Variants in RALGAPA2 observed in about 807,000 individuals in gnomAD.
The protein encoded by RALGAPA2 is Ral GTPase activating protein catalytic subunit alpha 2.
Under a neutral mutation model 230.4 loss-of-function variants are expected in RALGAPA2, and 139 were observed. The ratio of observed to expected loss-of-function variants is 0.60; its 90% CI spans 0.53 to 0.69. The LOEUF (loss-of-function observed/expected upper bound fraction) is 0.69. Among genes scored for constraint, RALGAPA2 ranks in the 30% least tolerant of loss-of-function variants. RALGAPA2 has a pLI of 0.00. For synonymous variants in RALGAPA2, 847 were observed against 837.8 expected, an observed-to-expected ratio of 1.01 and a Z score of -0.19; for missense variants, 2,163 against 2,276.0, an observed-to-expected ratio of 0.95 and a Z score of 1.01.
At chr20:20,453,779 A>G (rs2061043557) in intron 37 of RALGAPA2, among the ~76,000 whole-genome samples, 1 of 152,194 alleles carries the variant, frequency 6.6e-6, no homozygotes. Flanking sequence ...ACCCACAGCA[A>G]CAGCACAGTG....
intron 14 of RALGAPA2, among the ~76,000 whole-genome samples, chr20:20,610,468 C>A (rs2065945410): frequency 6.6e-6 from 1 of 152,194 alleles, no homozygotes; most frequent in South Asian, 2.1e-4. Context: ...CTTTGGCTCT[C>A]TGCTCGCACC....
intron 24 of RALGAPA2, among the ~76,000 whole-genome samples, chr20:20,541,115 C>T (rs2063631666): frequency 6.8e-6 from 1 of 146,946 alleles, no homozygotes; most frequent in Non-Finnish European, 1.5e-5. Context: ...TCCTTGCCTA[C>T]ACGTATCTTT....
In RALGAPA2 at chr20:20,405,752, G is replaced by A. The variant is rs141395171; in HGVS notation, c.5617+6275C>T. Among the ~76,000 whole-genome samples, 670 of 152,268 alleles carry A rather than the reference G, an allele frequency of 4.4e-3. 4 individuals carry two copies. Among genetic ancestry groups the A allele is most frequent in the African/African-American group, 0.015 (639 of 41,550 alleles). Reference sequence around the variant, plus strand: ...ACTTCCCCTGCCTTTCTCCACACCGGCTTCTTATCAGATTTCTTGTCGGTG... The same window carrying A: ...ACTTCCCCTGCCTTTCTCCACACCGACTTCTTATCAGATTTCTTGTCGGTG... On this transcript the variant is annotated intron_variant, in intron 38 of 39. Coordinates refer to ENST00000202677, the MANE Select transcript of RALGAPA2 (RefSeq NM_020343.4).
At chr20:20,541,169 T>A (rs768752796) in intron 24 of RALGAPA2, among the ~76,000 whole-genome samples, 3 of 151,930 alleles carry the variant, frequency 2.0e-5, no homozygotes, top group Non-Finnish European at 4.4e-5. Context: ...GAGGTAATTA[T>A]CTCACTGTGA....
intron 23 of RALGAPA2, among the ~76,000 whole-genome samples, chr20:20,549,157 T>C (rs918385442): frequency 3.9e-5 from 6 of 152,192 alleles, no homozygotes; most frequent in Non-Finnish European, 8.8e-5. Flanking sequence ...AGGCTAAATT[T>C]ATGGGAATTA....
At chr20:20,568,310 G>A in intron 23 of RALGAPA2, among the ~76,000 whole-genome samples, 1 of 152,050 alleles carries the variant, frequency 6.6e-6, no homozygotes. Context: ...ATGTACCGGG[G>A]GAAATACTAC....
chr20:20,679,654 C>T (rs1008661946), intron 2 of RALGAPA2, among the ~76,000 whole-genome samples: 2 of 152,122 alleles, frequency 1.3e-5, no homozygotes, highest in African/African-American at 4.8e-5. Context: ...GTAAGAACAG[C>T]CCTACCTTTA....
At chr20:20,606,943 C>A (rs909525383) in intron 14 of RALGAPA2, among the ~76,000 whole-genome samples, 5 of 152,186 alleles carry the variant, frequency 3.3e-5, no homozygotes, top group African/African-American at 1.2e-4. Flanking sequence ...CCAAGTCCAT[C>A]TCAAATGAGC....
intron 37 of RALGAPA2, among the ~76,000 whole-genome samples, chr20:20,414,548 C>G (rs553373654): frequency 5.3e-5 from 8 of 152,270 alleles, no homozygotes; most frequent in African/African-American, 1.7e-4. Context: ...CCGTCCCAAT[C>G]CTGGATGGCA....
intron 19 of RALGAPA2, among the ~76,000 whole-genome samples, chr20:20,583,510 C>T (rs1041529882): frequency 1.3e-5 from 2 of 152,178 alleles, no homozygotes; most frequent in Admixed American, 6.5e-5. Flanking sequence ...GTACCCCCTA[C>T]ACCCAAACTA....
intron 31 of RALGAPA2, 64 bp from the exon 32 acceptor site, chr20:20,513,348 T>C (rs1266105769): frequency 7.9e-7 from 1 of 1,271,954 alleles, no homozygotes; most frequent in African/African-American, 1.5e-5. Flanking sequence ...CTCAACACCT[T>C]TTTTTTGGGT....
chr20:20,648,997 C>G (rs888916278), intron 4 of RALGAPA2, among the ~76,000 whole-genome samples: 2 of 152,090 alleles, frequency 1.3e-5, no homozygotes, highest in African/African-American at 2.4e-5. Context: ...GAGGACCCCC[C>G]CAGAGGGCAA....
At chr20:20,468,702 T>C (rs1162522375) in intron 37 of RALGAPA2, among the ~76,000 whole-genome samples, 3 of 152,012 alleles carry the variant, frequency 2.0e-5, no homozygotes, top group African/African-American at 7.3e-5. Context: ...TTCAAGCCAT[T>C]TCTTCAAATG....
intron 3 of RALGAPA2, among the ~76,000 whole-genome samples, chr20:20,658,214 C>G (rs1204844665): frequency 6.6e-6 from 1 of 152,150 alleles, no homozygotes; most frequent in Non-Finnish European, 1.5e-5. Context: ...CCCAAATAGA[C>G]AAAATCTTAC....
intron 1 of RALGAPA2, among the ~76,000 whole-genome samples, chr20:20,706,878 C>G (rs1191056418): frequency 6.6e-6 from 1 of 152,206 alleles, no homozygotes; most frequent in Non-Finnish European, 1.5e-5. Flanking sequence ...TCAGTTTCCT[C>G]AGCTGGGGAT....
At chr20:20,453,161 T>G (rs2061028991) in intron 37 of RALGAPA2, among the ~76,000 whole-genome samples, 2 of 152,216 alleles carry the variant, frequency 1.3e-5, no homozygotes, top group African/African-American at 4.8e-5. Flanking sequence ...GCTTAATAAC[T>G]GAATAAAATA....
chr20:20,456,329 C>A (rs1390234862), intron 37 of RALGAPA2, among the ~76,000 whole-genome samples: 1 of 152,232 alleles, frequency 6.6e-6, no homozygotes, highest in African/African-American at 2.4e-5. Context: ...CTTTAAGGAG[C>A]TTGCTGACCA....
intron 3 of RALGAPA2, among the ~76,000 whole-genome samples, chr20:20,671,729 T>C (rs1281683734): frequency 6.6e-6 from 1 of 152,218 alleles, no homozygotes; most frequent in Non-Finnish European, 1.5e-5. Flanking sequence ...TGTATCAGTA[T>C]TAACACCCTC....
intron 20 of RALGAPA2, 58 bp from the exon 21 acceptor site, chr20:20,573,126 T>C (rs2064704292): frequency 7.4e-6 from 10 of 1,352,298 alleles, no homozygotes; most frequent in Non-Finnish European, 8.8e-6. Flanking sequence ...ATCATACCTT[T>C]TTTCTTTAAG....
Sources: allele counts gnomAD v4.1 joint callset (sites outside exome capture counted in the v4.1 genomes callset), GRCh38; gene constraint gnomAD v4.1.1; transcripts MANE v1.5; gene names NCBI Gene and HGNC (gene_info 2026-07-23, HGNC 2026-07-21).